OR6N1: variants seen among roughly 807,000 people sequenced by gnomAD.
The protein encoded by OR6N1 is olfactory receptor family 6 subfamily N member 1.
For missense variants in OR6N1, 394 were observed against 371.7 expected, an observed-to-expected ratio of 1.06 and a Z score of -0.49; for synonymous variants, 170 against 150.7, an observed-to-expected ratio of 1.13 and a Z score of -0.94.
At chr1:158,825,482 A>G in the OR6N1 span, among the ~76,000 whole-genome samples, 1 of 152,158 alleles carries the variant, frequency 6.6e-6, no homozygotes, top group Non-Finnish European at 1.5e-5. Context: ...GACACTTTTC[A>G]GAAGAAGATA....
At chr1:158,814,027 A>G in the OR6N1 span, among the ~76,000 whole-genome samples, 6 of 152,158 alleles carry the variant, frequency 3.9e-5, no homozygotes, top group Admixed American at 3.9e-4. Flanking sequence ...AAACAAATAC[A>G]TGAATTTTAA....
At chr1:158,807,688 C>A in the OR6N1 span, among the ~76,000 whole-genome samples, 1 of 152,246 alleles carries the variant, frequency 6.6e-6, no homozygotes, top group Non-Finnish European at 1.5e-5. Flanking sequence ...CTCCTTTTTG[C>A]CAACCTAGTT....
chr1:158,776,670 A>T (rs770917641), upstream of OR6N1: 1 of 1,508,804 alleles, frequency 6.6e-7, no homozygotes, highest in East Asian at 2.3e-5. Context: ...GAGAAAGGAC[A>T]TGGGAAGAAA....
the OR6N1 span, among the ~76,000 whole-genome samples, chr1:158,819,086 T>C: frequency 5.5e-3 from 843 of 152,280 alleles, 6 homozygotes; most frequent in African/African-American, 0.019. Context: ...AGCTCAATGA[T>C]TCACAGCCAC....
chr1:158,821,806 C>G, the OR6N1 span, among the ~76,000 whole-genome samples: 2 of 152,146 alleles, frequency 1.3e-5, no homozygotes, highest in African/African-American at 4.8e-5. Context: ...CCACAGAGAA[C>G]AAGTACTGGA....
At chr1:158,785,136 G>T in the OR6N1 span, among the ~76,000 whole-genome samples, 2 of 152,096 alleles carry the variant, frequency 1.3e-5, no homozygotes, top group African/African-American at 4.8e-5. Flanking sequence ...TTAATGAATA[G>T]ATTTAAACCA....
At chr1:158,789,057 A>G in the OR6N1 span, among the ~76,000 whole-genome samples, 1 of 152,172 alleles carries the variant, frequency 6.6e-6, no homozygotes, top group Non-Finnish European at 1.5e-5. Context: ...TCTTCATGAT[A>G]TCCACTTTTT....
At chr1:158,797,867 C>T in the OR6N1 span, among the ~76,000 whole-genome samples, 6 of 152,102 alleles carry the variant, frequency 3.9e-5, no homozygotes, top group Non-Finnish European at 5.9e-5. Flanking sequence ...CTATGTTTTT[C>T]GTCAATATTA....
At chr1:158,835,923 TG>T in the OR6N1 span, among the ~76,000 whole-genome samples, 1 of 151,912 alleles carries the variant, frequency 6.6e-6, no homozygotes, top group Non-Finnish European at 1.5e-5. Context: ...GGTAATGTGG[TG>T]TATTATCTTA....
chr1:158,769,367 T>C (rs1657355961), intron 1 of OR6N1, among the ~76,000 whole-genome samples: 1 of 152,046 alleles, frequency 6.6e-6, no homozygotes, highest in Admixed American at 6.6e-5. Context: ...TTTAGCCATA[T>C]TGCCCAGGCT....
chr1:158,832,766 C>A, the OR6N1 span, among the ~76,000 whole-genome samples: 1 of 151,952 alleles, frequency 6.6e-6, no homozygotes, highest in Non-Finnish European at 1.5e-5. Context: ...ACTTTTCCAG[C>A]TCTTTCTCAA....
Position 158,771,868 on chromosome 1 carries a change from C to A in OR6N1, c.-19+153G>T, listed in dbSNP as rs185619259. 2.4e-4 allele frequency among the ~76,000 whole-genome samples: 37 copies of A among 152,302 alleles called. No homozygotes were observed. The East Asian group carries it at 6.9e-3, about 29-fold the overall frequency. On this transcript the variant is annotated intron_variant, in intron 1 of 1. Coordinates refer to ENST00000641846, the MANE Select transcript of OR6N1 (RefSeq NM_001005185.2). ...CTATAGCATTTGAAAAGCAGAATAT[C>A]TGTTTTTAAAAATAGTTTCTGTGTT... is the stretch of plus-strand genomic sequence containing the variant.
At chr1:158,834,590 G>A in the OR6N1 span, among the ~76,000 whole-genome samples, 2 of 151,994 alleles carry the variant, frequency 1.3e-5, no homozygotes, top group African/African-American at 4.8e-5. Flanking sequence ...TCTGTTAATT[G>A]TGTCTTTGAT....
In OR6N1 at chr1:158,766,171, G is replaced by A; in HGVS notation, c.512C>T (p.Pro171Leu). Residue 171 changes from proline to leucine, a missense_variant, in exon 2 of 2, where the codon CCC becomes CTC. Coordinates refer to ENST00000641846, the MANE Select transcript of OR6N1 (RefSeq NM_001005185.2). ...SLISRLPFCG[P>L]NRIQHVFCDF... ...ACAAAAGACGTGCTGAATGCGATTG[G>A]GGCCACAGAATGGGAGGCGTGAAAT... 6.2e-7 allele frequency: 1 copy of A among 1,614,126 alleles called. No individual in the cohort carries two copies. Among genetic ancestry groups the A allele is most frequent in the Non-Finnish European group, 8.5e-7 (1 of 1,180,026 alleles).
chr1:158,789,667 C>T, the OR6N1 span, among the ~76,000 whole-genome samples: 4 of 152,118 alleles, frequency 2.6e-5, no homozygotes, highest in South Asian at 8.3e-4. Context: ...TTTTTTTGCC[C>T]ATTTAAAAAT....
chr1:158,800,978 G>A, the OR6N1 span, among the ~76,000 whole-genome samples: 245 of 152,280 alleles, frequency 1.6e-3, 1 homozygote, highest in African/African-American at 5.7e-3. Flanking sequence ...TCTAAGGCAT[G>A]AGAAGAGATC....
chr1:158,805,778 A>G, the OR6N1 span, among the ~76,000 whole-genome samples: 2 of 152,200 alleles, frequency 1.3e-5, no homozygotes, highest in East Asian at 1.9e-4. Flanking sequence ...CTCAATCTCT[A>G]TCACACCCAT....
the OR6N1 span, among the ~76,000 whole-genome samples, chr1:158,824,152 C>A: frequency 3.3e-5 from 5 of 151,944 alleles, no homozygotes; most frequent in African/African-American, 1.2e-4. Flanking sequence ...GGAACTGGTA[C>A]AAGGTAATTG....
the OR6N1 span, chr1:158,831,346 A>C: frequency 6.6e-6 from 1 of 152,248 alleles, no homozygotes; most frequent in African/African-American, 2.4e-5. Context: ...GTTAGGAATT[A>C]GGACAGTGTA....
Sources: allele counts gnomAD v4.1 joint callset (sites outside exome capture counted in the v4.1 genomes callset), GRCh38; gene constraint gnomAD v4.1.1; transcripts MANE v1.5; gene names NCBI Gene and HGNC (gene_info 2026-07-23, HGNC 2026-07-21).